The following FGGY variants were observed in gnomAD, a reference collection of about 807,000 sequenced individuals.
FGGY encodes FGGY carbohydrate kinase domain containing.
Under a neutral mutation model 71.3 loss-of-function variants are expected in FGGY, and 72 were observed. That is an observed-to-expected ratio of 1.01 (90% confidence interval 0.84 to 1.23). The LOEUF (loss-of-function observed/expected upper bound fraction) is 1.23, where lower values mean the gene tolerates loss of function less well. FGGY is among the 50% of genes most tolerant of loss of function. The pLI is 0.00. For missense variants in FGGY, 668 were observed against 682.3 expected (o/e 0.98, Z 0.23); for synonymous variants, 251 against 250.3 (o/e 1.00, Z -0.02).
rs1323100043 is a variant in FGGY, at chr1:59,321,525, G to T, written c.-14-11G>T. On this transcript the variant is annotated splice_polypyrimidine_tract_variant and intron_variant, in intron 1 of 15. Transcript: ENST00000303721. ...TGGTCTTCATATGGTTTTTACACTT[G>T]CTTACTATAGGTGGAGGAACTGCAA... The T allele has an allele frequency of 1.9e-6, 3 of 1,611,338 alleles. No individual in the cohort carries two copies. The East Asian group carries it at 6.7e-5, about 36-fold the overall frequency.
chr1:59,554,483 G>C (rs1309262735), intron 8 of FGGY, among the ~76,000 whole-genome samples: 1 of 152,164 alleles, frequency 6.6e-6, no homozygotes, highest in Non-Finnish European at 1.5e-5. Context: ...CCTGGCCAGA[G>C]AGCCCAGGCA....
chr1:59,375,304 G>T (rs1018953682), intron 4 of FGGY, among the ~76,000 whole-genome samples: 2 of 150,262 alleles, frequency 1.3e-5, no homozygotes, highest in Admixed American at 1.3e-4. Context: ...AAAAAAAACT[G>T]CATGGGATCC....
intron 4 of FGGY, among the ~76,000 whole-genome samples, chr1:59,362,625 C>G (rs2055794268): frequency 6.6e-6 from 1 of 152,202 alleles, no homozygotes; most frequent in South Asian, 2.1e-4. Context: ...TCCCATCTTC[C>G]TCAGTCTTTG....
chr1:59,575,933 G>A (rs987488947), intron 8 of FGGY, among the ~76,000 whole-genome samples: 6 of 152,094 alleles, frequency 3.9e-5, no homozygotes, highest in African/African-American at 1.4e-4. Flanking sequence ...CAAACATAGA[G>A]GACAGTATGA....
At chr1:59,718,669 C>G (rs1449556850) in intron 14 of FGGY, among the ~76,000 whole-genome samples, 1 of 152,222 alleles carries the variant, frequency 6.6e-6, no homozygotes, top group African/African-American at 2.4e-5. Flanking sequence ...ACTTGTCCCT[C>G]TTCCAAAGTG....
intron 7 of FGGY, among the ~76,000 whole-genome samples, chr1:59,539,148 A>G (rs1157248093): frequency 1.3e-5 from 2 of 152,172 alleles, no homozygotes; most frequent in Non-Finnish European, 2.9e-5. Context: ...CGAGGGATAT[A>G]TGATGTTCAT....
rs547685547 is a variant in FGGY at position 59,663,927 on chromosome 1, A to G, written c.1297-3356A>G. ...AAGTTAAGCAAATTTCTCTCTATAT[A>G]TAGTCATATCTTTGGGTGCTGTTTT... On this transcript the variant is annotated intron_variant, in intron 12 of 15. Transcript: ENST00000303721. Among the ~76,000 whole-genome samples the G allele has an allele frequency of 7.2e-5, 11 of 152,306 alleles. No individual in the cohort carries two copies. The South Asian group carries it at 2.1e-3, about 29-fold the overall frequency.
intron 14 of FGGY, among the ~76,000 whole-genome samples, chr1:59,681,929 A>T (rs931459592): frequency 1.3e-5 from 2 of 152,220 alleles, no homozygotes; most frequent in Non-Finnish European, 2.9e-5. Flanking sequence ...GAATATGCAG[A>T]AGAAAACAAA....
At chr1:59,678,568 A>G (rs2097459370) in intron 14 of FGGY, among the ~76,000 whole-genome samples, 1 of 152,216 alleles carries the variant, frequency 6.6e-6, no homozygotes, top group South Asian at 2.1e-4. Flanking sequence ...AGTCGTTGTG[A>G]GAGAAAACTC....
At chr1:59,658,366 G>T (rs548624970) in intron 11 of FGGY, among the ~76,000 whole-genome samples, 2 of 152,208 alleles carry the variant, frequency 1.3e-5, no homozygotes, top group Admixed American at 6.5e-5. Flanking sequence ...TTCAGCGCCA[G>T]AGTTCTTCTC....
At chr1:59,550,120 A>T (rs913664509) in intron 7 of FGGY, among the ~76,000 whole-genome samples, 1 of 152,152 alleles carries the variant, frequency 6.6e-6, no homozygotes, top group African/African-American at 2.4e-5. Context: ...CTGTTTCTTC[A>T]TCTGCTAATT....
At chr1:59,425,966 T>A (rs1208697460) in intron 5 of FGGY, among the ~76,000 whole-genome samples, 1 of 152,206 alleles carries the variant, frequency 6.6e-6, no homozygotes, top group East Asian at 1.9e-4. Context: ...TTTTTAATTT[T>A]TGAAATTGAA....
chr1:59,424,554 T>A (rs187941810), intron 5 of FGGY, among the ~76,000 whole-genome samples: 18 of 151,958 alleles, frequency 1.2e-4, no homozygotes, highest in African/African-American at 4.4e-4. Flanking sequence ...TCTTAAAAAA[T>A]AAATAAATAA....
At chr1:59,613,234 C>T (rs1159088974) in intron 9 of FGGY, among the ~76,000 whole-genome samples, 1 of 152,174 alleles carries the variant, frequency 6.6e-6, no homozygotes, top group Non-Finnish European at 1.5e-5. Flanking sequence ...CCAAAATTGA[C>T]CACATAGTTG....
At chr1:59,442,806 T>C (rs904490096) in intron 5 of FGGY, among the ~76,000 whole-genome samples, 5 of 152,228 alleles carry the variant, frequency 3.3e-5, no homozygotes, top group Admixed American at 3.3e-4. Context: ...AAGACAGGAA[T>C]AGGAAGAGGG....
intron 3 of FGGY, among the ~76,000 whole-genome samples, chr1:59,343,624 T>C (rs139716605): frequency 6.6e-6 from 1 of 152,194 alleles, no homozygotes. Flanking sequence ...TTCTTCTTGA[T>C]ATCCTAGCAT....
At chr1:59,323,198 T>C (rs533466790) in intron 2 of FGGY, among the ~76,000 whole-genome samples, 1 of 152,328 alleles carries the variant, frequency 6.6e-6, no homozygotes, top group Non-Finnish European at 1.5e-5. Flanking sequence ...CAGCCTTGCT[T>C]GCCGTTAAGG....
chr1:59,410,258 A>G (rs1196566526), intron 5 of FGGY, among the ~76,000 whole-genome samples: 1 of 152,192 alleles, frequency 6.6e-6, no homozygotes, highest in African/African-American at 2.4e-5. Flanking sequence ...ATGATGATGG[A>G]TCTTGTTACC....
chr1:59,750,651 G>T (rs1466463066), intron 14 of FGGY, among the ~76,000 whole-genome samples: 2 of 152,232 alleles, frequency 1.3e-5, no homozygotes, highest in South Asian at 2.1e-4. Flanking sequence ...ATTCATGGGG[G>T]TTACACAGAA....
Sources: allele counts gnomAD v4.1 joint callset (sites outside exome capture counted in the v4.1 genomes callset), GRCh38; gene constraint gnomAD v4.1.1; transcripts MANE v1.5; gene names NCBI Gene and HGNC (gene_info 2026-07-23, HGNC 2026-07-21).